ABCA8: variants seen among roughly 807,000 people sequenced by gnomAD.
ABCA8 encodes the protein ATP binding cassette subfamily A member 8.
Under a neutral mutation model 192.3 loss-of-function variants are expected in ABCA8, and 177 were observed. The ratio of observed to expected loss-of-function variants is 0.92; its 90% CI spans 0.81 to 1.04. The LOEUF is 1.04. Among genes scored for constraint, ABCA8 ranks in the 50% least tolerant of loss-of-function variants. ABCA8 has a pLI of 0.00. For missense variants in ABCA8, 1,915 were observed against 1,904.8 expected (o/e 1.01, Z -0.10); for synonymous variants, 642 against 690.2 (o/e 0.93, Z 1.09).
At chr17:68,880,916 G>A (rs2066321605) in intron 32 of ABCA8, 1 of 566,746 alleles carries the variant, frequency 1.8e-6, no homozygotes, top group Non-Finnish European at 3.1e-6. Flanking sequence ...CTGGAAAAGC[G>A]ACACCCTAAG....
intron 5 of ABCA8, 143 bp from the exon 6 acceptor site, chr17:68,933,414 A>C (rs2067966931): frequency 3.5e-6 from 2 of 577,480 alleles, no homozygotes; most frequent in South Asian, 4.9e-5. Flanking sequence ...AAGCTTATGA[A>C]AACATAAATT....
At chr17:68,884,967 C>A in intron 27 of ABCA8, 1 of 662,786 alleles carries the variant, frequency 1.5e-6, no homozygotes, top group Non-Finnish European at 1.9e-6. Flanking sequence ...CTCTGTTTCC[C>A]ACTACCCCTT....
At chr17:68,926,967 T>G (rs1425625901) in intron 10 of ABCA8, among the ~76,000 whole-genome samples, 1 of 152,054 alleles carries the variant, frequency 6.6e-6, no homozygotes, top group African/African-American at 2.4e-5. Flanking sequence ...GAGAAAAAAG[T>G]GAAGCAAGCC....
chr17:68,923,583 C>T (rs1404055908), intron 11 of ABCA8, among the ~76,000 whole-genome samples: 3 of 152,116 alleles, frequency 2.0e-5, no homozygotes, highest in South Asian at 2.1e-4. Flanking sequence ...GGTGTTAAAG[C>T]GATCAAAGAG....
At chr17:68,872,067 C>T (rs1004024134) in intron 37 of ABCA8, among the ~76,000 whole-genome samples, 1 of 152,098 alleles carries the variant, frequency 6.6e-6, no homozygotes, top group African/African-American at 2.4e-5. Context: ...TTGACCCAGC[C>T]ATCCCATTAC....
In ABCA8 at chr17:68,875,883, G is replaced by A. The variant is rs1048941202; in HGVS notation, c.4371-150C>T. On this transcript the variant is annotated intron_variant, in intron 35 of 39. Coordinates refer to ENST00000586539, the MANE Select transcript of ABCA8 (RefSeq NM_001288985.2). ...GTTCTTAATAGGGCAGGTAGGATGA[G>A]GAAGGACAAGCTAGGTGAGAGCTGT... 1.1e-5 allele frequency: 10 copies of A among 875,620 alleles called. No homozygotes were observed. In the African/African-American group the frequency reaches 1.5e-4, roughly 13 times the overall value. The allele number at this position is 875,620 out of a possible 1,614,324, so 54.2% of individuals were successfully genotyped here.
chr17:68,879,601 G>T (rs982659283), intron 32 of ABCA8: 1 of 152,648 alleles, frequency 6.6e-6, no homozygotes, highest in Admixed American at 6.5e-5. Context: ...CAGGGGAGGT[G>T]TGACTGGGGC....
At chr17:68,905,820 C>A (rs2067050775) in intron 19 of ABCA8, among the ~76,000 whole-genome samples, 1 of 152,036 alleles carries the variant, frequency 6.6e-6, no homozygotes, top group African/African-American at 2.4e-5. Flanking sequence ...TCTGAAATTG[C>A]CCTTAGAAGC....
intron 17 of ABCA8, among the ~76,000 whole-genome samples, chr17:68,908,183 T>A (rs906141768): frequency 6.6e-6 from 1 of 152,142 alleles, no homozygotes; most frequent in Non-Finnish European, 1.5e-5. Flanking sequence ...GAGAGGGTGG[T>A]CACAGAGTGG....
At chr17:68,876,359 TCCAC>T in intron 35 of ABCA8, 97 bp downstream of exon 35, 1 of 1,382,298 alleles carries the variant, frequency 7.2e-7, no homozygotes, top group Non-Finnish European at 1.0e-6. Flanking sequence ...TTTTTTGTTC[TCCAC>T]AAAAGAGTTT....
chr17:68,901,967 A>G (rs2066925859), intron 21 of ABCA8, among the ~76,000 whole-genome samples: 1 of 152,218 alleles, frequency 6.6e-6, no homozygotes, highest in Non-Finnish European at 1.5e-5. Flanking sequence ...AAATGAAAAC[A>G]TATGTTCAAA....
intron 38 of ABCA8, among the ~76,000 whole-genome samples, chr17:68,868,579 G>C (rs1014872897): frequency 6.6e-6 from 1 of 152,206 alleles, no homozygotes; most frequent in African/African-American, 2.4e-5. Context: ...CAGTTTTTGC[G>C]AACTGTATTT....
At chr17:68,952,006 T>C (rs942999913) in intron 1 of ABCA8, among the ~76,000 whole-genome samples, 1 of 152,194 alleles carries the variant, frequency 6.6e-6, no homozygotes, top group Non-Finnish European at 1.5e-5. Flanking sequence ...TTGAAAATGT[T>C]TTCCTCTCCT....
At chr17:68,949,258 C>T (rs533596288) in intron 2 of ABCA8, 54 bp downstream of exon 2, 9 of 152,278 alleles carry the variant, frequency 5.9e-5, no homozygotes, top group African/African-American at 2.2e-4. Context: ...AAAGTCAAAT[C>T]CCTGAATAGG....
intron 24 of ABCA8, 96 bp downstream of exon 24, chr17:68,891,393 A>T: frequency 1.3e-6 from 1 of 793,092 alleles, no homozygotes; most frequent in Non-Finnish European, 2.0e-6. Flanking sequence ...TTGGCTGTTC[A>T]ATTAAGCATG....
At chr17:68,901,913 A>G (rs2066924286) in intron 21 of ABCA8, among the ~76,000 whole-genome samples, 1 of 152,150 alleles carries the variant, frequency 6.6e-6, no homozygotes, top group Admixed American at 6.5e-5. Context: ...AAACATAGTT[A>G]CCACGTGACC....
chr17:68,924,920 G>A lies in ABCA8; in HGVS notation c.1274-51C>T, dbSNP rs375902172. 11 of 1,578,134 alleles carry A rather than the reference G, an allele frequency of 7.0e-6. No individual in the cohort carries two copies. The African/African-American group carries it at 1.2e-4, about 17-fold the overall frequency. ...ATTGGGTCAATGACCACGTTAGGGAGAGAGAGTCACAGTAATGTAGCACGG... is the reference window on the plus strand; with the variant it reads ...ATTGGGTCAATGACCACGTTAGGGAAAGAGAGTCACAGTAATGTAGCACGG... On this transcript the variant is annotated intron_variant, in intron 10 of 39. Transcript: ENST00000586539.
chr17:68,876,299 A>C, intron 35 of ABCA8, 161 bp downstream of exon 35: 9 of 752,630 alleles, frequency 1.2e-5, no homozygotes, highest in Non-Finnish European at 1.7e-5. Flanking sequence ...TCATCAGGGA[A>C]AGATCTTTTT....
chr17:68,907,965 C>A lies in ABCA8; in HGVS notation c.2139-86G>T. The A allele has an allele frequency of 1.7e-6, 2 of 1,173,740 alleles. 1 individual carries two copies. The highest frequency in any genetic ancestry group is 2.2e-6 in the Non-Finnish European group (2 of 901,546). 72.7% of individuals were successfully genotyped at this position (1,173,740 alleles called of 1,614,324 possible). A position where few individuals can be genotyped will look rare whatever the true frequency, so the allele number is the denominator to read the frequency against. Reference sequence around the variant, plus strand: ...AAATAATTAACTAGTCTCTATAGGACAAAGAAAATCAATTAAAATCTAATG... The same window carrying A: ...AAATAATTAACTAGTCTCTATAGGAAAAAGAAAATCAATTAAAATCTAATG... On this transcript the variant is annotated intron_variant, in intron 17 of 39. Coordinates refer to ENST00000586539, the MANE Select transcript of ABCA8 (RefSeq NM_001288985.2).
Sources: gnomAD v4.1 joint callset for allele counts (sites outside exome capture counted in the v4.1 genomes callset) on GRCh38, gnomAD v4.1.1 for gene constraint, MANE v1.5 for transcripts, NCBI Gene and HGNC (gene_info 2026-07-23, HGNC 2026-07-21) for gene names.